The following IBTK variants were observed in gnomAD, a reference collection of about 807,000 sequenced individuals.
IBTK encodes inhibitor of Bruton tyrosine kinase.
Under a neutral mutation model 154.9 loss-of-function variants are expected in IBTK, and 83 were observed. The ratio of observed to expected loss-of-function variants is 0.54; its 90% CI spans 0.45 to 0.64. The LOEUF is 0.64. Among genes scored for constraint, IBTK ranks in the 30% least tolerant of loss-of-function variants. The pLI is 0.00. For missense variants in IBTK, 1,332 were observed against 1,584.6 expected (o/e 0.84, Z 2.71); for synonymous variants, 515 against 536.1 (o/e 0.96, Z 0.54).
chr6:82,239,700 C>G (rs543136352), intron 2 of IBTK, among the ~76,000 whole-genome samples: 1 of 148,686 alleles, frequency 6.7e-6, no homozygotes, highest in South Asian at 2.2e-4. Flanking sequence ...AATATATTTT[C>G]TTTGTCTTTA....
intron 1 of IBTK, among the ~76,000 whole-genome samples, chr6:82,247,049 T>C (rs1771177332): frequency 1.3e-5 from 2 of 148,908 alleles, no homozygotes; most frequent in African/African-American, 5.0e-5. Flanking sequence ...CTGTCTTCTC[T>C]GTCTCTCTCA....
At chr6:82,238,219 G>A (rs1028578764) in intron 2 of IBTK, among the ~76,000 whole-genome samples, 4 of 151,746 alleles carry the variant, frequency 2.6e-5, no homozygotes, top group Admixed American at 6.6e-5. Context: ...ACTCCAGCCT[G>A]GGTAACAAAG....
At chr6:82,207,569 A>C (rs531327516) in intron 16 of IBTK, among the ~76,000 whole-genome samples, 2 of 152,312 alleles carry the variant, frequency 1.3e-5, no homozygotes, top group African/African-American at 4.8e-5. Flanking sequence ...TTTATTGCAG[A>C]AATTGGCAAA....
chr6:82,215,562 G>A (rs1003718089), intron 11 of IBTK, among the ~76,000 whole-genome samples: 5 of 151,974 alleles, frequency 3.3e-5, no homozygotes, highest in South Asian at 2.1e-4. Context: ...CGAGGCTGGC[G>A]GATCACCTGA....
chr6:82,246,467 T>G (rs1771149871), intron 1 of IBTK, among the ~76,000 whole-genome samples: 1 of 145,182 alleles, frequency 6.9e-6, no homozygotes, highest in Non-Finnish European at 1.5e-5. Flanking sequence ...TTTTTTGAGA[T>G]GGTGCCACAC....
At chr6:82,198,102 AAGTAAGGGAC>A (rs1173703614) in intron 21 of IBTK, among the ~76,000 whole-genome samples, 1 of 152,206 alleles carries the variant, frequency 6.6e-6, no homozygotes, top group African/African-American at 2.4e-5. Context: ...CTTAGGTTTA[AAGTAAGGGAC>A]ATAAATTATT....
chr6:82,214,516 T>C lies in IBTK; in HGVS notation c.1915A>G (p.Thr639Ala). ...AAGCCATGAGTTAAAAAGTCACAAGTATCTGTGTATATAAATTGTAAAAGG... is the reference window on the plus strand; with the variant it reads ...AAGCCATGAGTTAAAAAGTCACAAGCATCTGTGTATATAAATTGTAAAAGG... ...EYLLQFIYTD[T>A]CDFLTHGFKP... Residue 639 changes from threonine to alanine, a missense_variant, in exon 12 of 29, where the codon ACT (threonine) becomes GCT (alanine). This residue lies in a region of IBTK where 1,134 missense variants were observed against 1,274.7 expected (regional missense o/e 0.89). Coordinates refer to ENST00000306270, the MANE Select transcript of IBTK (RefSeq NM_015525.4). The C allele has an allele frequency of 6.2e-7, 1 of 1,614,042 alleles. No homozygotes were observed. The highest frequency in any genetic ancestry group is 8.5e-7 in the Non-Finnish European group (1 of 1,179,954).
chr6:82,208,585 T>G (rs1258810085), intron 16 of IBTK, among the ~76,000 whole-genome samples: 1 of 151,602 alleles, frequency 6.6e-6, no homozygotes, highest in African/African-American at 2.4e-5. Flanking sequence ...CTAAAAAAAT[T>G]TTTACAAATT....
chr6:82,245,127 G>A (rs754274649), intron 1 of IBTK, among the ~76,000 whole-genome samples: 1 of 152,094 alleles, frequency 6.6e-6, no homozygotes, highest in Non-Finnish European at 1.5e-5. Flanking sequence ...ATTTTATTTA[G>A]GCAAGTAACT....
intron 26 of IBTK, among the ~76,000 whole-genome samples, chr6:82,176,147 T>C (rs9344252): frequency 0.22 from 33,772 of 152,108 alleles, 3,742 homozygotes; most frequent in South Asian, 0.25. Context: ...ACTGGCTTAA[T>C]TAGAAAGATT....
At chr6:82,173,748 C>T (rs1276416617) in intron 26 of IBTK, among the ~76,000 whole-genome samples, 1 of 146,274 alleles carries the variant, frequency 6.8e-6, no homozygotes, top group African/African-American at 2.5e-5. Context: ...TTGTAAGGAA[C>T]TAATATACTT....
chr6:82,178,247 A>G (rs946096756), intron 26 of IBTK, among the ~76,000 whole-genome samples: 4 of 152,226 alleles, frequency 2.6e-5, no homozygotes, highest in Admixed American at 6.5e-5. Flanking sequence ...CCAAAGCAGT[A>G]TAACAGGGCA....
At chr6:82,221,776 C>T (rs1245533561) in intron 8 of IBTK, among the ~76,000 whole-genome samples, 10 of 152,212 alleles carry the variant, frequency 6.6e-5, no homozygotes, top group African/African-American at 2.2e-4. Context: ...TACATATCAC[C>T]TCAAACTCAG....
intron 25 of IBTK, among the ~76,000 whole-genome samples, chr6:82,190,237 C>T (rs1455104846): frequency 6.6e-6 from 1 of 152,128 alleles, no homozygotes; most frequent in Non-Finnish European, 1.5e-5. Context: ...AAATAATTAA[C>T]ATTTTAATTG....
chr6:82,201,096 T>C (rs1433168287), intron 19 of IBTK, among the ~76,000 whole-genome samples: 1 of 152,160 alleles, frequency 6.6e-6, no homozygotes, highest in African/African-American at 2.4e-5. Context: ...TTATTAAAGA[T>C]AGATTTATTC....
At chr6:82,245,555 TAA>T (rs918036367) in intron 1 of IBTK, among the ~76,000 whole-genome samples, 2 of 143,572 alleles carry the variant, frequency 1.4e-5, no homozygotes, top group Non-Finnish European at 1.5e-5. Context: ...AGACTCCTTC[TAA>T]AAAAAAAAAG....
chr6:82,207,965 G>T (rs552306350), intron 16 of IBTK, among the ~76,000 whole-genome samples: 16 of 152,010 alleles, frequency 1.1e-4, no homozygotes, highest in Admixed American at 8.5e-4. Context: ...AGGGGATTAG[G>T]GTAATGGGAA....
intron 24 of IBTK, 76 bp downstream of exon 24, chr6:82,191,711 A>T: frequency 1.1e-6 from 1 of 894,904 alleles, no homozygotes; most frequent in Non-Finnish European, 1.9e-6. Context: ...AATAATAAGA[A>T]AGATGCAGTA....
intron 9 of IBTK, among the ~76,000 whole-genome samples, chr6:82,219,762 T>C (rs1222209082): frequency 2.6e-5 from 4 of 152,096 alleles, no homozygotes; most frequent in African/African-American, 7.2e-5. Context: ...AGAAATTCCT[T>C]ATACACTAGT....
Sources: allele counts gnomAD v4.1 joint callset (sites outside exome capture counted in the v4.1 genomes callset), GRCh38; gene constraint gnomAD v4.1.1; regional missense constraint gnomAD v4.1.1; transcripts MANE v1.5; gene names NCBI Gene and HGNC (gene_info 2026-07-23, HGNC 2026-07-21).